RPH3A: variants seen among roughly 807,000 people sequenced by gnomAD.
RPH3A encodes the protein rabphilin-3A.
In RPH3A, 48 loss-of-function variants were observed where a neutral mutation model predicts 102.2. The observed-to-expected ratio is 0.47, with a 90% CI of 0.37 to 0.60. The LOEUF is 0.60. Among genes scored for constraint, RPH3A ranks in the 20% least tolerant of loss-of-function variants. The pLI is 0.00. For missense variants in RPH3A, 781 were observed against 910.1 expected (o/e 0.86, Z 1.83); for synonymous variants, 310 against 324.3 (o/e 0.96, Z 0.47).
chr12:112,593,288 G>A (rs909790799), intron 1 of RPH3A, among the ~76,000 whole-genome samples: 15 of 152,176 alleles, frequency 9.9e-5, no homozygotes, highest in Non-Finnish European at 2.1e-4. Context: ...AGAAACAAAT[G>A]TTTGCTGTTT....
At chr12:112,801,673 T>C (rs1314058938) in intron 2 of RPH3A, among the ~76,000 whole-genome samples, 3 of 152,218 alleles carry the variant, frequency 2.0e-5, no homozygotes, top group Admixed American at 6.5e-5. Context: ...GAAGAATCTT[T>C]GTTAGGGTGC....
At chr12:112,755,039 T>G (rs368619988) in intron 1 of RPH3A, among the ~76,000 whole-genome samples, 110 of 152,314 alleles carry the variant, frequency 7.2e-4, no homozygotes, top group African/African-American at 2.6e-3. Flanking sequence ...TATTGACAAC[T>G]TTATCCCCAA....
At chr12:112,583,099 C>G (rs2135959365) in intron 1 of RPH3A, among the ~76,000 whole-genome samples, 1 of 152,318 alleles carries the variant, frequency 6.6e-6, no homozygotes, top group Non-Finnish European at 1.5e-5. Context: ...GGAGGTAACT[C>G]TGACTTTCAT....
At chr12:112,870,134 C>T in intron 10 of RPH3A, 95 bp downstream of exon 10, 2 of 1,274,644 alleles carry the variant, frequency 1.6e-6, no homozygotes, top group Non-Finnish European at 2.1e-6. Context: ...ACTTAGGCAG[C>T]ATTTATTGAG....
At chr12:112,790,504 TAG>T (rs1487220354), upstream of RPH3A, among the ~76,000 whole-genome samples, 3 of 152,200 alleles carry the variant, frequency 2.0e-5, no homozygotes, top group South Asian at 6.2e-4. Flanking sequence ...GAGTCTCCAA[TAG>T]AGAGAGTTCT....
intron 1 of RPH3A, among the ~76,000 whole-genome samples, chr12:112,649,842 C>T (rs780640913): frequency 1.2e-4 from 19 of 152,210 alleles, no homozygotes; most frequent in African/African-American, 1.2e-4. Flanking sequence ...GGCTTGCAGA[C>T]GGCTGCCTTC....
At chr12:112,627,215 T>A (rs2039773201) in intron 1 of RPH3A, among the ~76,000 whole-genome samples, 1 of 151,448 alleles carries the variant, frequency 6.6e-6, no homozygotes. Flanking sequence ...ATAATAAAAA[T>A]AATTTAAAAA....
At chr12:112,762,074 T>C (rs555237837) in intron 1 of RPH3A, among the ~76,000 whole-genome samples, 4 of 152,352 alleles carry the variant, frequency 2.6e-5, no homozygotes, top group African/African-American at 9.6e-5. Context: ...CAGTGGAAAG[T>C]ATCTATGCAA....
At chr12:112,630,447 G>T (rs1176483386) in intron 1 of RPH3A, among the ~76,000 whole-genome samples, 2 of 152,152 alleles carry the variant, frequency 1.3e-5, no homozygotes, top group African/African-American at 4.8e-5. Context: ...TGATGCCGTG[G>T]GGGAACTCTA....
intron 1 of RPH3A, among the ~76,000 whole-genome samples, chr12:112,607,912 C>T (rs1411142006): frequency 2.0e-5 from 3 of 152,188 alleles, no homozygotes; most frequent in African/African-American, 7.2e-5. Flanking sequence ...CTTTCCCGCT[C>T]TAAAACCTTT....
chr12:112,716,345 A>G lies in RPH3A; in HGVS notation c.-139-75798A>G, dbSNP rs185270470. On this transcript the variant is annotated intron_variant, in intron 1 of 21. Coordinates refer to the RPH3A transcript ENST00000543106. ...TCTGACGATGGGGTACTCACTAAAT[A>G]TTACTGAATGACTGAATGAAGGAGC... 2.6e-5 allele frequency among the ~76,000 whole-genome samples: 4 copies of G among 152,300 alleles called. No homozygotes were observed. The East Asian group carries it at 7.7e-4, about 29-fold the overall frequency.
chr12:112,722,305 T>C (rs1451327575), intron 1 of RPH3A, among the ~76,000 whole-genome samples: 1 of 152,212 alleles, frequency 6.6e-6, no homozygotes, highest in East Asian at 1.9e-4. Context: ...GTTCTGTAGG[T>C]AGGCATGAGA....
At chr12:112,893,612 C>T (rs758436480) in intron 19 of RPH3A, 1 of 152,270 alleles carries the variant, frequency 6.6e-6, no homozygotes, top group Non-Finnish European at 1.5e-5. Context: ...ACTGCAGCCT[C>T]GAACTCTGGG....
At chr12:112,727,390 CAA>C (rs3037265) in intron 1 of RPH3A, among the ~76,000 whole-genome samples, 42,784 of 118,876 alleles carry the variant, frequency 0.36, 8,761 homozygotes, top group East Asian at 0.52. Context: ...GACTCTGCCT[CAA>C]AAAAAAAAAA....
At position 112,869,972 on chromosome 12, in the gene RPH3A, A is replaced by C. The variant is rs776166351; in HGVS notation, c.729A>C (p.Ser243=). Residue 243 remains serine (S), a synonymous_variant, in exon 10 of 22, where the codon TCA becomes TCC. Transcript: ENST00000389385. ...VRRASEARMS[S]SSRDSESWDH... is the part of the protein sequence containing the mutation. ...GGGCCTCCGAGGCACGAATGAGCTC[A>C]TCTAGCCGAGATTCAGAGAGCTGGG... The C allele has an allele frequency of 4.3e-6, 7 of 1,614,022 alleles. No homozygotes were observed. In the African/African-American group the frequency reaches 8.0e-5, roughly 18 times the overall value.
intron 2 of RPH3A, among the ~76,000 whole-genome samples, chr12:112,804,443 A>C (rs1213602225): frequency 6.6e-6 from 1 of 152,214 alleles, no homozygotes. Context: ...CAGAGGGTGG[A>C]AAGTTGAAAC....
At chr12:112,875,813 A>G in intron 12 of RPH3A, 72 bp downstream of exon 12, 1 of 1,410,410 alleles carries the variant, frequency 7.1e-7, no homozygotes, top group Admixed American at 1.7e-5. Context: ...GAGAGCAGGC[A>G]GCTGCCAGAA....
intron 1 of RPH3A, among the ~76,000 whole-genome samples, chr12:112,738,879 G>A (rs963352173): frequency 3.9e-5 from 6 of 152,158 alleles, no homozygotes; most frequent in Non-Finnish European, 7.3e-5. Context: ...AGTTGGGTTT[G>A]TTTGCCTAGG....
At chr12:112,637,848 G>C (rs2039859115) in intron 1 of RPH3A, among the ~76,000 whole-genome samples, 1 of 151,824 alleles carries the variant, frequency 6.6e-6, no homozygotes, top group African/African-American at 2.4e-5. Flanking sequence ...GCCCCACCTG[G>C]TTCTTTTACA....
Sources: allele counts gnomAD v4.1 joint callset (sites outside exome capture counted in the v4.1 genomes callset), GRCh38; gene constraint gnomAD v4.1.1; transcripts MANE v1.5; gene names NCBI Gene and HGNC (gene_info 2026-07-23, HGNC 2026-07-21).